Variants in RYR3 observed in about 807,000 individuals in gnomAD.
RYR3 encodes brain ryanodine receptor-calcium release channel.
A neutral mutation model predicts 584.3 loss-of-function variants in RYR3; 207 were observed. The ratio of observed to expected loss-of-function variants is 0.35; its 90% CI spans 0.32 to 0.40. The LOEUF (loss-of-function observed/expected upper bound fraction) is 0.40, where lower values mean the gene tolerates loss of function less well. RYR3 is among the 10% of genes least tolerant of loss of function. The pLI is 1.00. For synonymous variants in RYR3, 2,416 were observed against 2,248.5 expected (o/e 1.07, Z -2.11); for missense variants, 5,616 against 6,089.2 (o/e 0.92, Z 2.59).
In RYR3 at chr15:33,409,638, G is replaced by A. The variant is rs187465128; in HGVS notation, c.52-63781G>A. Among the ~76,000 whole-genome samples, 661 of 152,236 alleles carry A rather than the reference G, an allele frequency of 4.3e-3. 5 individuals are homozygous for A. Among genetic ancestry groups the A allele is most frequent in the African/African-American group, 0.015 (628 of 41,548 alleles). On this transcript the variant is annotated intron_variant, in intron 1 of 103. Coordinates refer to ENST00000634891, the MANE Select transcript of RYR3 (RefSeq NM_001036.6). ...ATTGTTCCATATCCAGTATTTTGTC[G>A]TTTTAAAATTTTCCCTATTGTTTGG...
intron 3 of RYR3, among the ~76,000 whole-genome samples, chr15:33,528,750 T>C (rs184490215): frequency 6.6e-6 from 1 of 152,340 alleles, no homozygotes; most frequent in East Asian, 1.9e-4. Flanking sequence ...TCAAAAGCTC[T>C]GTAGGAAAAC....
chr15:33,629,163 G>C (rs2061147672), intron 21 of RYR3, among the ~76,000 whole-genome samples: 1 of 152,212 alleles, frequency 6.6e-6, no homozygotes, highest in Admixed American at 6.5e-5. Context: ...TTCACATGAG[G>C]ATGGCTTCAC....
At position 33,756,345 on chromosome 15, in the gene RYR3, G is replaced by C. The variant is rs150799181; in HGVS notation, c.8555G>C (p.Arg2852Pro). 6.3e-7 allele frequency: 1 copy of C among 1,579,486 alleles called. No individual in the cohort carries two copies. The highest frequency in any genetic ancestry group is 8.6e-7 in the Non-Finnish European group (1 of 1,161,734). The change falls in exon 59 of 104, where the codon CGT (arginine) becomes CCT (proline). Residue 2852 changes from arginine (R) to proline (P), a missense_variant. Physicochemically the swap from Arg to Pro is moderately radical, Grantham distance 103 (BLOSUM62 -2). Transcript: ENST00000634891. ...AGTGGGAAAACTGAAAAGTCTCCCC[G>C]TGACCAGGAGATCAAATTCTTTGCC... ...VSSGKTEKSP[R>P]DQEIKFFAKV... is the part of the protein sequence containing the mutation.
At chr15:33,769,067 G>A (rs768909993) in intron 61 of RYR3, 45 bp from the exon 62 acceptor site, 1 of 1,442,624 alleles carries the variant, frequency 6.9e-7, no homozygotes, top group South Asian at 1.1e-5. Context: ...TTGAAAGACA[G>A]GCTGAGTGGT....
chr15:33,746,786 T>C (rs2070754960), intron 53 of RYR3, among the ~76,000 whole-genome samples: 1 of 148,894 alleles, frequency 6.7e-6, no homozygotes. Flanking sequence ...CAGACAAAAA[T>C]AATTTCTTTC....
At chr15:33,316,407 C>T (rs922564030) in intron 1 of RYR3, among the ~76,000 whole-genome samples, 2 of 152,280 alleles carry the variant, frequency 1.3e-5, no homozygotes, top group South Asian at 2.1e-4. Flanking sequence ...CAGACCCAGG[C>T]GGTCCTAGGT....
rs1395303451 is a variant in RYR3 at position 33,503,637 on chromosome 15, C to T, written c.178C>T (p.Pro60Ser). 1 of 1,599,042 alleles carries T rather than the reference C, an allele frequency of 6.3e-7. No individual in the cohort carries two copies. Among genetic ancestry groups the T allele is most frequent in the Non-Finnish European group, 8.6e-7 (1 of 1,167,784 alleles). The part of the protein sequence containing the change: ...LEPTSEAKYI[P>S]PDLCVCNFVL... ...TCTGATTTTATTTCCACAGTACATTCCTCCAGATCTCTGCGTCTGCAATTT... is the reference window on the plus strand; with the variant it reads ...TCTGATTTTATTTCCACAGTACATTTCTCCAGATCTCTGCGTCTGCAATTT... Residue 60 changes from proline to serine, a missense_variant, in exon 3 of 104, where the codon CCT (proline) becomes TCT (serine). Transcript: ENST00000634891.
At chr15:33,374,841 A>G (rs559067465) in intron 1 of RYR3, among the ~76,000 whole-genome samples, 47 of 152,330 alleles carry the variant, frequency 3.1e-4, no homozygotes, top group African/African-American at 1.1e-3. Flanking sequence ...CAGCTGCTCC[A>G]TGGCTGTGGC....
intron 87 of RYR3, among the ~76,000 whole-genome samples, chr15:33,836,436 A>G (rs1051847479): frequency 6.6e-6 from 1 of 152,164 alleles, no homozygotes; most frequent in Non-Finnish European, 1.5e-5. Flanking sequence ...AGTGGCACCC[A>G]GATCACCACC....
chr15:33,782,512 C>A (rs2074447635), intron 65 of RYR3, among the ~76,000 whole-genome samples: 1 of 152,168 alleles, frequency 6.6e-6, no homozygotes, highest in African/African-American at 2.4e-5. Flanking sequence ...CTGGCTTTAG[C>A]AAAGAGTGGA....
chr15:33,635,684 G>A lies in RYR3; in HGVS notation c.3246G>A (p.Val1082=). Residue 1082 remains valine (V), a synonymous_variant, in exon 26 of 104, where the codon GTG becomes GTA. Coordinates refer to ENST00000634891, the MANE Select transcript of RYR3 (RefSeq NM_001036.6). ...RFFRVERSYA[V]RSGKWYFEFE... is the part of the protein sequence containing the mutation. The stretch of plus-strand genomic sequence containing the variant: ...TCCGGGTAGAGCGATCTTATGCAGT[G>A]AGATCTGGAAAGTGGTATTTTGAGT... 1.2e-6 allele frequency: 2 copies of A among 1,614,018 alleles called. No homozygotes were observed. Among genetic ancestry groups the A allele is most frequent in the Non-Finnish European group, 8.5e-7 (1 of 1,179,882 alleles).
intron 32 of RYR3, among the ~76,000 whole-genome samples, chr15:33,654,572 A>G (rs1469297732): frequency 6.6e-6 from 1 of 152,128 alleles, no homozygotes; most frequent in African/African-American, 2.4e-5. Context: ...TACATAGCTC[A>G]AGAAGTATCA....
intron 27 of RYR3, among the ~76,000 whole-genome samples, chr15:33,640,469 A>G (rs35692607): frequency 0.38 from 57,168 of 151,876 alleles, 12,832 homozygotes; most frequent in Admixed American, 0.52. Context: ...GCGGTCATCT[A>G]CCTCCCTCTC....
chr15:33,317,121 GACCGCCTTTTCT>G (rs1354807795), intron 1 of RYR3, among the ~76,000 whole-genome samples: 1 of 152,114 alleles, frequency 6.6e-6, no homozygotes, highest in Non-Finnish European at 1.5e-5. Flanking sequence ...TTTCCCATAG[GACCGCCTTTTCT>G]TATTGAATCC....
chr15:33,565,713 G>A (rs2057678692), intron 11 of RYR3, among the ~76,000 whole-genome samples: 1 of 152,056 alleles, frequency 6.6e-6, no homozygotes, highest in African/African-American at 2.4e-5. Flanking sequence ...ACTTGAACCA[G>A]GATCAAACTA....
rs529064631 is a variant in RYR3 at position 33,670,400 on chromosome 15, C to G, written c.5723-19C>G. The G allele has an allele frequency of 2.7e-4, 439 of 1,612,534 alleles. 10 individuals are homozygous for G. In the South Asian group the frequency reaches 4.6e-3, roughly 17 times the overall value. ...TCATGCACTGCTTTGGATTTTCACC[C>G]TGTTCTGTGGCTTGCTAGGGGTTCC... On this transcript the variant is annotated intron_variant, in intron 37 of 103. Transcript: ENST00000634891.
Position 33,750,059 on chromosome 15 carries a change from G to C in RYR3, c.8275+5G>C. ...AGCTGGAGCTGGAGAGCAAAGGTGA[G>C]TGAGGTTCACAGCATCCCCTAAAGA... On this transcript the variant is annotated splice_donor_5th_base_variant and intron_variant, in intron 56 of 103. Coordinates refer to ENST00000634891, the MANE Select transcript of RYR3 (RefSeq NM_001036.6). The C allele has an allele frequency of 6.2e-7, 1 of 1,611,282 alleles. No individual in the cohort carries two copies. Among genetic ancestry groups the C allele is most frequent in the African/African-American group, 1.3e-5 (1 of 75,008 alleles).
At chr15:33,318,960 A>C (rs1056210256) in intron 1 of RYR3, among the ~76,000 whole-genome samples, 2 of 152,210 alleles carry the variant, frequency 1.3e-5, no homozygotes, top group Non-Finnish European at 2.9e-5. Context: ...AAACCATTTC[A>C]AAGCAATTCC....
intron 1 of RYR3, among the ~76,000 whole-genome samples, chr15:33,327,706 C>T (rs943107522): frequency 6.6e-6 from 1 of 152,168 alleles, no homozygotes; most frequent in Non-Finnish European, 1.5e-5. Context: ...GCCTGCCTGC[C>T]TGCCTGCCTT....
Sources: gnomAD v4.1 joint callset for allele counts (sites outside exome capture counted in the v4.1 genomes callset) on GRCh38, gnomAD v4.1.1 for gene constraint, MANE v1.5 for transcripts, NCBI Gene and HGNC (gene_info 2026-07-23, HGNC 2026-07-21) for gene names.